The following MYO1F variants were observed in gnomAD, a reference collection of about 807,000 sequenced individuals.
MYO1F encodes myosin IF.
In MYO1F, 60 loss-of-function variants were observed where a neutral mutation model predicts 146.6. The ratio of observed to expected loss-of-function variants is 0.41; its 90% CI spans 0.33 to 0.51. The LOEUF (loss-of-function observed/expected upper bound fraction) is 0.51. Among genes scored for constraint, MYO1F ranks in the 20% least tolerant of loss-of-function variants. The pLI is 0.25. For synonymous variants in MYO1F, 602 were observed against 602.1 expected, an observed-to-expected ratio of 1.00 and a Z score of 0.00; for missense variants, 1,274 against 1,534.3, an observed-to-expected ratio of 0.83 and a Z score of 2.83.
At chr19:8,559,185 T>C (rs958992469) in intron 1 of MYO1F, among the ~76,000 whole-genome samples, 3 of 151,278 alleles carry the variant, frequency 2.0e-5, no homozygotes, top group Admixed American at 6.6e-5. Flanking sequence ...CAGCCCAGGA[T>C]TGAAGTCTTT....
rs1972707146 is a variant in MYO1F, at chr19:8,536,273, G to A, written c.2022C>T (p.Val674=). The change falls in exon 19 of 28, where the codon GTC becomes GTT. Residue 674 remains valine, a synonymous_variant. Transcript: ENST00000644032. ...TCACCGACTCTGGGTTCTTGACAAAGACCTTGGTGCTCCCCATCTGGTACT... is the reference window on the plus strand; with the variant it reads ...TCACCGACTCTGGGTTCTTGACAAAAACCTTGGTGCTCCCCATCTGGTACT... ...PDQYQMGSTK[V]FVKNPESLFL... 6.2e-7 allele frequency: 1 copy of A among 1,606,510 alleles called. No individual in the cohort carries two copies. Among genetic ancestry groups the A allele is most frequent in the South Asian group, 1.1e-5 (1 of 91,074 alleles).
At chr19:8,543,039 G>A (rs1333634131) in intron 14 of MYO1F, among the ~76,000 whole-genome samples, 2 of 152,140 alleles carry the variant, frequency 1.3e-5, no homozygotes, top group Non-Finnish European at 2.9e-5. Flanking sequence ...GAGTAGCTGG[G>A]ATTACAGGTG....
intron 8 of MYO1F, 117 bp from the exon 9 acceptor site, chr19:8,550,811 T>C (rs1269904441): frequency 7.2e-7 from 1 of 1,383,202 alleles, no homozygotes. Flanking sequence ...TGGGTCCCTG[T>C]CCTACCCCTT....
chr19:8,533,417 C>T (rs2967593), intron 19 of MYO1F, among the ~76,000 whole-genome samples: 16,621 of 148,456 alleles, frequency 0.11, 991 homozygotes, highest in East Asian at 0.15. Context: ...TGCAGTGGTG[C>T]GATCTTGGCT....
intron 15 of MYO1F, 150 bp downstream of exon 15, chr19:8,541,756 A>G: frequency 1.3e-5 from 10 of 749,942 alleles, no homozygotes; most frequent in South Asian, 1.3e-4. Flanking sequence ...CATCAGAACT[A>G]GTCCATAGAA....
At chr19:8,531,384 C>T (rs1029436177) in intron 19 of MYO1F, among the ~76,000 whole-genome samples, 1 of 152,096 alleles carries the variant, frequency 6.6e-6, no homozygotes, top group African/African-American at 2.4e-5. Context: ...GGTCTCGCTC[C>T]GTCGCCCAGA....
intron 1 of MYO1F, among the ~76,000 whole-genome samples, chr19:8,563,154 G>A (rs1398013068): frequency 6.6e-6 from 1 of 151,820 alleles, no homozygotes; most frequent in African/African-American, 2.4e-5. Flanking sequence ...ACCATGCCTG[G>A]CTAATTTTTT....
At chr19:8,545,597 C>T (rs1188753585) in intron 13 of MYO1F, 53 bp downstream of exon 13, 2 of 1,455,974 alleles carry the variant, frequency 1.4e-6, no homozygotes, top group Admixed American at 1.7e-5. Flanking sequence ...ATCTTCCAGA[C>T]TCAGCTCAGG....
At chr19:8,551,164 G>T (rs1973590723) in intron 8 of MYO1F, among the ~76,000 whole-genome samples, 1 of 151,772 alleles carries the variant, frequency 6.6e-6, no homozygotes, top group Admixed American at 6.6e-5. Flanking sequence ...CGATTCTCCT[G>T]CCTCAGCCTC....
chr19:8,530,245 T>A lies in MYO1F; in HGVS notation c.2279A>T (p.Glu760Val). The A allele has an allele frequency of 6.2e-7, 1 of 1,614,060 alleles. No individual in the cohort carries two copies. Among genetic ancestry groups the A allele is most frequent in the South Asian group, 1.1e-5 (1 of 91,080 alleles). ...PELRQFLGKR[E>V]RVDFADSVTK... The stretch of plus-strand genomic sequence containing the variant: ...GACCGAATCGGCGAAGTCCACCCGC[T>A]CCCTCTTGCCCAGGAACTGACGCAG... Residue 760 changes from glutamate (E) to valine (V), a missense_variant, in exon 21 of 28, where the codon GAG becomes GTG. Transcript: ENST00000644032. This position sits in a 1 kb window ranked among gnomAD's most constrained non-coding sequence, Gnocchi z 5.8.
intron 15 of MYO1F, among the ~76,000 whole-genome samples, chr19:8,541,338 AAG>A (rs1184363058): frequency 6.6e-6 from 1 of 151,480 alleles, no homozygotes; most frequent in African/African-American, 2.4e-5. Flanking sequence ...TTGCTGGTCT[AAG>A]AACCACATGT....
At chr19:8,528,847 T>C (rs1210385984) in intron 21 of MYO1F, among the ~76,000 whole-genome samples, 1 of 152,074 alleles carries the variant, frequency 6.6e-6, no homozygotes, top group Non-Finnish European at 1.5e-5. Flanking sequence ...CGGGTGTGTA[T>C]CTGAACTCTA....
intron 10 of MYO1F, among the ~76,000 whole-genome samples, chr19:8,549,338 C>T (rs1568356082): frequency 6.6e-6 from 1 of 151,894 alleles, no homozygotes; most frequent in African/African-American, 2.4e-5. Flanking sequence ...GTGGCTTGAT[C>T]ATGGCTCACT....
intron 1 of MYO1F, among the ~76,000 whole-genome samples, chr19:8,563,548 A>G (rs545146409): frequency 6.9e-6 from 1 of 144,100 alleles, no homozygotes; most frequent in South Asian, 2.2e-4. Flanking sequence ...CTCTCTTGTT[A>G]TCTGGGCTGG....
rs1972058754 is a variant in MYO1F at position 8,521,493 on chromosome 19, CG to C, written c.*34del. On this transcript the variant is annotated 3_prime_UTR_variant, in exon 28 of 28. Coordinates refer to ENST00000644032, the MANE Select transcript of MYO1F (RefSeq NM_012335.4). The stretch of plus-strand genomic sequence containing the variant: ...CCCACCAGGCCGGCAGGCAGATAGG[CG>C]GGCGAAAGAGAAGGCAGTATCCCAG... 2 of 1,596,418 alleles carry C rather than the reference CG, an allele frequency of 1.3e-6. No homozygotes were observed. The highest frequency in any genetic ancestry group is 1.7e-6 in the Non-Finnish European group (2 of 1,170,820).
At chr19:8,535,152 T>G (rs1267132078) in intron 19 of MYO1F, among the ~76,000 whole-genome samples, 1 of 152,190 alleles carries the variant, frequency 6.6e-6, no homozygotes, top group Non-Finnish European at 1.5e-5. Context: ...CCTCAAGTGA[T>G]CCATCCACCT....
intron 1 of MYO1F, among the ~76,000 whole-genome samples, chr19:8,564,654 C>T (rs1292051568): frequency 6.6e-6 from 1 of 151,222 alleles, no homozygotes; most frequent in East Asian, 1.9e-4. Context: ...GCCCCAGGGT[C>T]AGAAGCAGGA....
At chr19:8,538,841 G>A (rs922363679) in intron 16 of MYO1F, among the ~76,000 whole-genome samples, 96 of 152,128 alleles carry the variant, frequency 6.3e-4, no homozygotes, top group African/African-American at 2.3e-3. Flanking sequence ...AGAATGGTGA[G>A]TGCCAGGGAC....
At chr19:8,543,550 G>T (rs1290107359) in intron 14 of MYO1F, among the ~76,000 whole-genome samples, 1 of 152,036 alleles carries the variant, frequency 6.6e-6, no homozygotes, top group Non-Finnish European at 1.5e-5. Context: ...GGGGAATTCT[G>T]TTCCCTCTGT....
Sources: gnomAD v4.1 joint callset for allele counts (sites outside exome capture counted in the v4.1 genomes callset) on GRCh38, gnomAD v4.1.1 for gene constraint, Gnocchi (gnomAD v3.1) non-coding constraint, MANE v1.5 for transcripts, NCBI Gene and HGNC (gene_info 2026-07-23, HGNC 2026-07-21) for gene names.